The following KPNA7 variants were observed in gnomAD, a reference collection of about 807,000 sequenced individuals.
KPNA7 encodes karyopherin subunit alpha 7.
In KPNA7, 54 loss-of-function variants were observed where a neutral mutation model predicts 53.7. The observed-to-expected ratio is 1.01, with a 90% CI of 0.81 to 1.26. The LOEUF (loss-of-function observed/expected upper bound fraction) is 1.26, where lower values mean the gene tolerates loss of function less well. KPNA7 is among the 50% of genes most tolerant of loss of function. KPNA7 has a pLI of 0.00. For missense variants in KPNA7, 640 were observed against 644.5 expected (o/e 0.99, Z 0.07); for synonymous variants, 276 against 259.3 (o/e 1.06, Z -0.62).
the KPNA7 span, among the ~76,000 whole-genome samples, chr7:99,156,765 T>C: frequency 7.8e-4 from 119 of 152,248 alleles, no homozygotes; most frequent in Non-Finnish European, 1.4e-3. Context: ...CTTCAAATGA[T>C]CCACCCCCCT....
At chr7:99,168,764 C>T (rs1210285765), downstream of KPNA7, among the ~76,000 whole-genome samples, 1 of 152,226 alleles carries the variant, frequency 6.6e-6, no homozygotes, top group East Asian at 1.9e-4. Flanking sequence ...TCCTGAGTAG[C>T]TGGGACCACA....
At chr7:99,194,420 C>T (rs966174359) in intron 5 of KPNA7, among the ~76,000 whole-genome samples, 2 of 152,076 alleles carry the variant, frequency 1.3e-5, no homozygotes, top group African/African-American at 2.4e-5. Flanking sequence ...TCTGGGGTCC[C>T]GAGTTATGTA....
At chr7:99,181,587 G>A (rs11982330) in intron 9 of KPNA7, among the ~76,000 whole-genome samples, 78,884 of 151,950 alleles carry the variant, frequency 0.52, 22,362 homozygotes, top group East Asian at 0.66. Flanking sequence ...TGGCTCTGTC[G>A]CCCAGGCTGG....
intron 1 of KPNA7, among the ~76,000 whole-genome samples, chr7:99,216,233 T>C (rs1255283046): frequency 1.3e-5 from 2 of 152,068 alleles, no homozygotes; most frequent in Admixed American, 6.6e-5. Flanking sequence ...CTTGCTACAT[T>C]GCCCAGGCTT....
At chr7:99,210,709 C>T (rs183265326), upstream of KPNA7, among the ~76,000 whole-genome samples, 109 of 152,202 alleles carry the variant, frequency 7.2e-4, no homozygotes, top group Admixed American at 1.4e-3. Context: ...CTGCCTCAGC[C>T]TCCTGAGCAG....
chr7:99,211,565 G>A (rs1041521132), upstream of KPNA7, among the ~76,000 whole-genome samples: 3 of 151,594 alleles, frequency 2.0e-5, no homozygotes, highest in African/African-American at 7.2e-5. Context: ...GACAAAGGAG[G>A]GAGTTGGAGA....
At chr7:99,191,930 G>A (rs1789976884) in intron 6 of KPNA7, among the ~76,000 whole-genome samples, 1 of 152,190 alleles carries the variant, frequency 6.6e-6, no homozygotes, top group South Asian at 2.1e-4. Context: ...GATTACAGGT[G>A]TGAGCCACGG....
chr7:99,190,376 AAG>A (rs201878314), intron 6 of KPNA7, among the ~76,000 whole-genome samples: 336 of 152,002 alleles, frequency 2.2e-3, no homozygotes, highest in African/African-American at 5.0e-3. Context: ...AAAAAAAAGA[AAG>A]AGCTCTTCTT....
the KPNA7 span, among the ~76,000 whole-genome samples, chr7:99,165,061 A>T: frequency 6.6e-6 from 1 of 152,188 alleles, no homozygotes; most frequent in Non-Finnish European, 1.5e-5. Flanking sequence ...GGATCACTTG[A>T]GCCTAGGAGG....
In KPNA7 at chr7:99,195,268, C is replaced by T; in HGVS notation, c.355G>A (p.Val119Met). 1 of 1,551,652 alleles carries T rather than the reference C, an allele frequency of 6.4e-7. No individual in the cohort carries two copies. Among genetic ancestry groups the T allele is most frequent in the Non-Finnish European group, 8.7e-7 (1 of 1,146,988 alleles). The change falls in exon 5 of 11, where the codon GTG becomes ATG. Residue 119 changes from valine to methionine, a missense_variant. Val to Met is a conservative substitution (Grantham distance 21, BLOSUM62 1). Transcript: ENST00000327442. The stretch of plus-strand genomic sequence containing the variant: ...TAAAGTGATGACTTCAGGAACTCCA[C>T]CATCCTGGGAATGAGGCCCGCTTCA... The part of the protein sequence containing the change: ...VIEAGLIPRM[V>M]EFLKSSLYPC...
intron 10 of KPNA7, among the ~76,000 whole-genome samples, chr7:99,176,924 C>T (rs1400219119): frequency 6.6e-6 from 1 of 152,090 alleles, no homozygotes; most frequent in South Asian, 2.1e-4. Flanking sequence ...AACAGGCTTA[C>T]ACACCCATGT....
At chr7:99,207,315 G>C in intron 2 of KPNA7, 86 bp downstream of exon 2, 2 of 1,122,392 alleles carry the variant, frequency 1.8e-6, no homozygotes, top group South Asian at 1.3e-5. Context: ...TTACAGGCAT[G>C]AGCCACCGCG....
At chr7:99,164,826 G>C in the KPNA7 span, among the ~76,000 whole-genome samples, 162 of 152,252 alleles carry the variant, frequency 1.1e-3, no homozygotes, top group Non-Finnish European at 2.0e-3. Context: ...GACCGGGTGT[G>C]GTGGCTCACG....
chr7:99,158,388 C>A, the KPNA7 span, among the ~76,000 whole-genome samples: 6 of 152,022 alleles, frequency 3.9e-5, no homozygotes, highest in Non-Finnish European at 7.4e-5. Flanking sequence ...AGATTTCAGA[C>A]CTCCAGTTCT....
the KPNA7 span, among the ~76,000 whole-genome samples, chr7:99,153,960 TAAAAAA>T: frequency 3.3e-5 from 5 of 151,352 alleles, no homozygotes; most frequent in Admixed American, 2.6e-4. Context: ...AGAGAGTCTC[TAAAAAA>T]AAGAAAAAAA....
At chr7:99,167,145 G>A in the KPNA7 span, among the ~76,000 whole-genome samples, 83,475 of 152,098 alleles carry the variant, frequency 0.55, 23,889 homozygotes, top group East Asian at 0.65. Context: ...CTCCAGCCAC[G>A]GAGCCTGCTG....
chr7:99,190,334 T>TAAAAA (rs1329810111), intron 6 of KPNA7, among the ~76,000 whole-genome samples: 1 of 94,138 alleles, frequency 1.1e-5, no homozygotes, highest in African/African-American at 5.0e-5. Flanking sequence ...AGACTCTGTC[T>TAAAAA]CAAAAAAAAA....
chr7:99,176,839 C>T (rs2150697293), intron 10 of KPNA7, among the ~76,000 whole-genome samples: 1 of 152,210 alleles, frequency 6.6e-6, no homozygotes. Flanking sequence ...ACCATTGCGG[C>T]CATTGCCTTC....
the KPNA7 span, among the ~76,000 whole-genome samples, chr7:99,152,253 A>T: frequency 6.6e-6 from 1 of 151,808 alleles, no homozygotes; most frequent in South Asian, 2.1e-4. Flanking sequence ...TCCCAGTTAC[A>T]CGGGAGGCTG....
Sources: allele counts gnomAD v4.1 joint callset (sites outside exome capture counted in the v4.1 genomes callset), GRCh38; gene constraint gnomAD v4.1.1; transcripts MANE v1.5; gene names NCBI Gene and HGNC (gene_info 2026-07-23, HGNC 2026-07-21).